Variants in ECM2 observed in about 807,000 individuals in gnomAD.
The protein encoded by ECM2 is extracellular matrix protein 2.
In ECM2, 57 loss-of-function variants were observed where a neutral mutation model predicts 67.5. The ratio of observed to expected loss-of-function variants is 0.84; its 90% CI spans 0.68 to 1.05. The LOEUF (loss-of-function observed/expected upper bound fraction) is 1.05. ECM2 is among the 50% of genes least tolerant of loss of function. The pLI is 0.00. For synonymous variants in ECM2, 258 were observed against 294.5 expected (o/e 0.88, Z 1.27); for missense variants, 741 against 822.8 (o/e 0.90, Z 1.22).
rs543477797 is a variant in ECM2, at chr9:92,501,086, A to G, written c.1605-33T>C. 34 of 1,594,516 alleles carry G rather than the reference A, an allele frequency of 2.1e-5. No homozygotes were observed. The South Asian group carries it at 3.7e-4, about 17-fold the overall frequency. On this transcript the variant is annotated intron_variant, in intron 8 of 9. Transcript: ENST00000344604. ...AAAGAAAAAAGTAAACAGGGTAGGG[A>G]CATCAGGATGGTGATCATCAGCTCT...
At chr9:92,524,430 C>T (rs111842705) in intron 1 of ECM2, among the ~76,000 whole-genome samples, 4,598 of 152,252 alleles carry the variant, frequency 0.03, 105 homozygotes, top group Non-Finnish European at 0.044. Flanking sequence ...TGGCCAGGGA[C>T]AAGAGAAACC....
At position 92,497,968 on chromosome 9, in the gene ECM2, C is replaced by T. The variant is rs141050197; in HGVS notation, c.1932-1485G>A. On this transcript the variant is annotated intron_variant, in intron 9 of 9. Transcript: ENST00000344604. ...TCTCTACACACTCCATCTCCCCTTC[C>T]ACCATGAGTGGAAGCAGCCTGAAGG... Among the ~76,000 whole-genome samples the T allele has an allele frequency of 1.7e-3, 255 of 152,176 alleles. 3 individuals are homozygous for T. The highest frequency in any genetic ancestry group is 3.4e-3 in the Middle Eastern group (1 of 294).
chr9:92,517,314 GGCACGTT>G (rs925997223), intron 3 of ECM2: 11 of 300,148 alleles, frequency 3.7e-5, no homozygotes, highest in African/African-American at 2.2e-4. Flanking sequence ...AGATGATAAA[GGCACGTT>G]GCACTGGATT....
At chr9:92,524,888 G>A (rs1848298802) in intron 1 of ECM2, among the ~76,000 whole-genome samples, 1 of 152,154 alleles carries the variant, frequency 6.6e-6, no homozygotes, top group South Asian at 2.1e-4. Flanking sequence ...TGATAGGAAG[G>A]AATGGTAAAA....
At chr9:92,539,668 G>A (rs145332018), upstream of ECM2, among the ~76,000 whole-genome samples, 19 of 152,234 alleles carry the variant, frequency 1.2e-4, no homozygotes, top group East Asian at 3.7e-3. Flanking sequence ...AGTGAGGGGA[G>A]GAGTAGTATG....
At chr9:92,547,270 A>G in the ECM2 span, among the ~76,000 whole-genome samples, 3 of 152,240 alleles carry the variant, frequency 2.0e-5, no homozygotes, top group African/African-American at 7.2e-5. Context: ...CAGATTATCT[A>G]CAAGAAAACA....
At chr9:92,515,423 A>G (rs1847642147) in intron 3 of ECM2, among the ~76,000 whole-genome samples, 1 of 152,208 alleles carries the variant, frequency 6.6e-6, no homozygotes, top group Non-Finnish European at 1.5e-5. Context: ...GTGGGCCTTA[A>G]TACTAATTTT....
Position 92,505,703 on chromosome 9 carries a change from A to T in ECM2, c.1307-13T>A, listed in dbSNP as rs759590639. On this transcript the variant is annotated splice_polypyrimidine_tract_variant and intron_variant, in intron 6 of 9. Coordinates refer to ENST00000344604, the MANE Select transcript of ECM2 (RefSeq NM_001393.4). Reference sequence around the variant, plus strand: ...AACTGATTTAAGTCTATAAAAAATAAAAGTATTAGAATATTAGGATAATTG... The same window carrying T: ...AACTGATTTAAGTCTATAAAAAATATAAGTATTAGAATATTAGGATAATTG... 6.5e-7 allele frequency: 1 copy of T among 1,549,316 alleles called. No homozygotes were observed. Among genetic ancestry groups the T allele is most frequent in the Non-Finnish European group, 8.7e-7 (1 of 1,151,694 alleles).
upstream of ECM2, among the ~76,000 whole-genome samples, chr9:92,536,938 C>G (rs1454566084): frequency 6.7e-6 from 1 of 148,738 alleles, no homozygotes; most frequent in Non-Finnish European, 1.5e-5. Flanking sequence ...GTCGTGATCT[C>G]AGCACACTGA....
chr9:92,505,357 C>T (rs1459909421), intron 7 of ECM2, among the ~76,000 whole-genome samples, 176 bp downstream of exon 7: 3 of 151,912 alleles, frequency 2.0e-5, no homozygotes, highest in Non-Finnish European at 4.4e-5. Context: ...ATTATAATTT[C>T]GATTCAGAAT....
intron 1 of ECM2, among the ~76,000 whole-genome samples, chr9:92,531,994 C>G (rs868181663): frequency 2.0e-5 from 2 of 97,662 alleles, no homozygotes; most frequent in African/African-American, 1.1e-4. Flanking sequence ...ACCTACTTTT[C>G]TTTTTCTTTT....
chr9:92,494,099 G>C (rs1444051473), downstream of ECM2: 2 of 1,597,566 alleles, frequency 1.3e-6, no homozygotes, highest in Non-Finnish European at 8.5e-7. Flanking sequence ...GAGAGGAAAG[G>C]CCACATCTGA....
the ECM2 span, among the ~76,000 whole-genome samples, chr9:92,555,262 T>C: frequency 7.0e-6 from 1 of 141,952 alleles, no homozygotes; most frequent in Non-Finnish European, 1.5e-5. Flanking sequence ...AGTTTCGCTC[T>C]TGTTGTCCAA....
chr9:92,509,841 A>G (rs1185673025), intron 6 of ECM2, 58 bp downstream of exon 6: 1 of 1,497,418 alleles, frequency 6.7e-7, no homozygotes, highest in Non-Finnish European at 8.9e-7. Flanking sequence ...AAATTTCTAC[A>G]GGACTATATA....
intron 9 of ECM2, among the ~76,000 whole-genome samples, chr9:92,497,454 G>T (rs1207727392): frequency 6.6e-6 from 1 of 150,558 alleles, no homozygotes; most frequent in African/African-American, 2.4e-5. Flanking sequence ...GAGAAACCCC[G>T]TCTCTACTGA....
At chr9:92,498,806 T>C (rs1369400612) in intron 9 of ECM2, among the ~76,000 whole-genome samples, 1 of 152,214 alleles carries the variant, frequency 6.6e-6, no homozygotes, top group Non-Finnish European at 1.5e-5. Flanking sequence ...TCATCCAAGT[T>C]AATATTGTTG....
chr9:92,510,080 G>T (rs1847243994), intron 5 of ECM2, 46 bp from the exon 6 acceptor site: 1 of 1,553,940 alleles, frequency 6.4e-7, no homozygotes, highest in Non-Finnish European at 8.6e-7. Flanking sequence ...AGTCACAGCT[G>T]TGCAGTCACA....
chr9:92,505,292 C>T (rs958160871), intron 7 of ECM2, among the ~76,000 whole-genome samples: 2 of 152,074 alleles, frequency 1.3e-5, no homozygotes, highest in African/African-American at 4.8e-5. Flanking sequence ...CTCCCATTTC[C>T]CCCAAGAGCT....
chr9:92,515,056 G>A lies in ECM2; in HGVS notation c.629C>T (p.Ala210Val), dbSNP rs375328673. The A allele has an allele frequency of 1.2e-6, 2 of 1,613,970 alleles. No homozygotes were observed. The highest frequency in any genetic ancestry group is 1.7e-6 in the Non-Finnish European group (2 of 1,180,032). The part of the protein sequence containing the change: ...VGMDRIVRKE[A>V]LQSEEDEEVK... ...TTCTTCATCCTCCTCAGATTGAAGT[G>A]CTTCTTTTCTTACTATTCGGTCCAT... Residue 210 changes from alanine to valine, a missense_variant, in exon 4 of 10, where the codon GCA (alanine) becomes GTA (valine). Coordinates refer to ENST00000344604, the MANE Select transcript of ECM2 (RefSeq NM_001393.4).
Sources: allele counts gnomAD v4.1 joint callset (sites outside exome capture counted in the v4.1 genomes callset), GRCh38; gene constraint gnomAD v4.1.1; transcripts MANE v1.5; gene names NCBI Gene and HGNC (gene_info 2026-07-23, HGNC 2026-07-21).